SEPTIN7: variants seen among roughly 807,000 people sequenced by gnomAD.
SEPTIN7 encodes septin 7.
SEPTIN7 carries 10 observed loss-of-function variants against 63.3 expected under a neutral mutation model. The observed-to-expected ratio is 0.16, with a 90% CI of 0.10 to 0.27. The LOEUF is 0.27. Ranked by LOEUF, SEPTIN7 falls within the 10% of genes least tolerant of loss-of-function variation. The pLI is 1.00. For missense variants in SEPTIN7, 310 were observed against 521.0 expected (o/e 0.59, Z 3.94); for synonymous variants, 131 against 165.3 (o/e 0.79, Z 1.59).
intron 11 of SEPTIN7, among the ~76,000 whole-genome samples, chr7:35,895,817 A>C (rs1323681754): frequency 6.6e-6 from 1 of 151,936 alleles, no homozygotes; most frequent in Non-Finnish European, 1.5e-5. Context: ...AAATGAAGAT[A>C]TTTTTTTCTT....
intron 3 of SEPTIN7, among the ~76,000 whole-genome samples, chr7:35,852,899 G>A (rs1330747986): frequency 1.3e-5 from 2 of 152,024 alleles, no homozygotes; most frequent in African/African-American, 2.4e-5. Context: ...TTGAAAGGAC[G>A]TAGATCTATT....
intron 11 of SEPTIN7, among the ~76,000 whole-genome samples, chr7:35,893,857 A>G (rs1200870524): frequency 4.6e-5 from 7 of 152,196 alleles, no homozygotes; most frequent in Admixed American, 4.6e-4. Context: ...GTCAGCTATA[A>G]TTTGTCTCAA....
At chr7:35,834,519 A>G (rs140125951) in intron 3 of SEPTIN7, among the ~76,000 whole-genome samples, 31 of 152,122 alleles carry the variant, frequency 2.0e-4, no homozygotes, top group Middle Eastern at 6.8e-3. Flanking sequence ...TTCTCTTCCT[A>G]ATGATAAGAC....
intron 4 of SEPTIN7, among the ~76,000 whole-genome samples, chr7:35,864,530 G>C (rs571806609): frequency 2.6e-5 from 4 of 152,210 alleles, no homozygotes; most frequent in African/African-American, 9.6e-5. Context: ...ATATACCACA[G>C]ATGTCTAAGA....
At chr7:35,885,533 T>A (rs1353286726) in intron 9 of SEPTIN7, among the ~76,000 whole-genome samples, 1 of 152,196 alleles carries the variant, frequency 6.6e-6, no homozygotes, top group Admixed American at 6.5e-5. Context: ...ATAAATATAT[T>A]TTTTACCAAT....
intron 3 of SEPTIN7, among the ~76,000 whole-genome samples, chr7:35,834,363 A>G (rs1303848698): frequency 4.6e-5 from 7 of 152,138 alleles, no homozygotes; most frequent in African/African-American, 1.7e-4. Flanking sequence ...CAGAGAGTTG[A>G]TTTAAAATCT....
At chr7:35,812,152 AAC>A (rs2115714609) in intron 1 of SEPTIN7, 1 of 189,182 alleles carries the variant, frequency 5.3e-6, no homozygotes, top group South Asian at 6.1e-5. Context: ...ACAAAAAAAA[AAC>A]AGTTTTTAGA....
At chr7:35,915,000 A>G in the SEPTIN7 span, among the ~76,000 whole-genome samples, 1 of 151,964 alleles carries the variant, frequency 6.6e-6, no homozygotes, top group African/African-American at 2.4e-5. Flanking sequence ...GTGTACACAT[A>G]TAATGTATGT....
At chr7:35,836,654 T>C (rs1784096333) in intron 3 of SEPTIN7, among the ~76,000 whole-genome samples, 1 of 152,118 alleles carries the variant, frequency 6.6e-6, no homozygotes, top group Non-Finnish European at 1.5e-5. Flanking sequence ...CAGAGAAAGT[T>C]TAGGAGTTAC....
rs555083121 is a variant in SEPTIN7, at chr7:35,858,148, T to G, written c.170-5404T>G. 1.3e-3 allele frequency among the ~76,000 whole-genome samples: 196 copies of G among 152,170 alleles called. 2 individuals are homozygous for G. Among genetic ancestry groups the G allele is most frequent in the Admixed American group, 2.4e-3 (37 of 15,288 alleles). ...TTAATAGAGACAGGGTTTTGCCATG[T>G]TGCCCAGGCCTGTCTTGAACTCCTG... On this transcript the variant is annotated intron_variant, in intron 3 of 13. Transcript: ENST00000350320.
intron 10 of SEPTIN7, among the ~76,000 whole-genome samples, chr7:35,886,509 C>G (rs187914471): frequency 4.6e-5 from 7 of 152,120 alleles, no homozygotes; most frequent in African/African-American, 1.2e-4. Flanking sequence ...TGTAATAGGA[C>G]TAGAGATGTT....
intron 3 of SEPTIN7, among the ~76,000 whole-genome samples, chr7:35,853,197 C>T (rs1213779694): frequency 3.9e-5 from 6 of 152,044 alleles, no homozygotes; most frequent in South Asian, 4.1e-4. Flanking sequence ...TTTGGGAGGC[C>T]GAGGTGGGAA....
intron 1 of SEPTIN7, among the ~76,000 whole-genome samples, chr7:35,825,009 T>C (rs1783428738): frequency 6.6e-6 from 1 of 152,194 alleles, no homozygotes; most frequent in Non-Finnish European, 1.5e-5. Flanking sequence ...TAATGGCTAG[T>C]AGAGTTCTAA....
At chr7:35,815,982 T>C (rs938544906) in intron 1 of SEPTIN7, among the ~76,000 whole-genome samples, 4 of 152,210 alleles carry the variant, frequency 2.6e-5, no homozygotes, top group African/African-American at 9.7e-5. Flanking sequence ...TTTTTGTGAG[T>C]ATTTTTTTGC....
At chr7:35,847,652 A>G (rs1288407719) in intron 3 of SEPTIN7, among the ~76,000 whole-genome samples, 1 of 152,216 alleles carries the variant, frequency 6.6e-6, no homozygotes, top group East Asian at 1.9e-4. Context: ...TTTATTAAGT[A>G]TAGTCACACC....
chr7:35,884,335 A>AT, intron 9 of SEPTIN7, among the ~76,000 whole-genome samples: 1 of 152,284 alleles, frequency 6.6e-6, no homozygotes, highest in East Asian at 1.9e-4. Flanking sequence ...TGAATTTTGG[A>AT]TTTTTGGATT....
At chr7:35,915,123 GTA>G in the SEPTIN7 span, among the ~76,000 whole-genome samples, 17 of 151,564 alleles carry the variant, frequency 1.1e-4, no homozygotes, top group East Asian at 7.7e-4. Flanking sequence ...GTATACATGT[GTA>G]TATATACATG....
At chr7:35,875,621 ATT>A (rs748122242) in intron 6 of SEPTIN7, among the ~76,000 whole-genome samples, 3 of 151,580 alleles carry the variant, frequency 2.0e-5, no homozygotes, top group Non-Finnish European at 4.4e-5. Context: ...CTTCATTTGC[ATT>A]GTTCAGTATT....
At chr7:35,830,050 G>A (rs1783752762) in intron 1 of SEPTIN7, among the ~76,000 whole-genome samples, 1 of 151,672 alleles carries the variant, frequency 6.6e-6, no homozygotes, top group African/African-American at 2.4e-5. Flanking sequence ...GCCGGGTGTG[G>A]TGGCACATGC....
Sources: gnomAD v4.1 joint callset for allele counts (sites outside exome capture counted in the v4.1 genomes callset) on GRCh38, gnomAD v4.1.1 for gene constraint, MANE v1.5 for transcripts, NCBI Gene and HGNC (gene_info 2026-07-23, HGNC 2026-07-21) for gene names.